The following EMP1 variants were observed in gnomAD, a reference collection of about 807,000 sequenced individuals.
EMP1 encodes the protein tumor-associated membrane protein.
Under a neutral mutation model 15.7 loss-of-function variants are expected in EMP1, and 5 were observed. The observed-to-expected ratio is 0.32, with a 90% CI of 0.17 to 0.67. The LOEUF (loss-of-function observed/expected upper bound fraction) is 0.67, where lower values mean the gene tolerates loss of function less well. EMP1 is among the 30% of genes least tolerant of loss of function. The pLI, the probability that EMP1 is intolerant of heterozygous loss-of-function variation, is 0.74. For synonymous variants in EMP1, 78 were observed against 76.7 expected, an observed-to-expected ratio of 1.02 and a Z score of -0.09; for missense variants, 166 against 194.2, an observed-to-expected ratio of 0.85 and a Z score of 0.86.
chr12:13,210,892 T>C (rs942563007), intron 1 of EMP1, among the ~76,000 whole-genome samples: 1 of 152,254 alleles, frequency 6.6e-6, no homozygotes, highest in Non-Finnish European at 1.5e-5. Context: ...ATTATAATAA[T>C]AGAATTGTGC....
intron 1 of EMP1, chr12:13,199,570 A>AG (rs1864045308): frequency 6.6e-6 from 1 of 152,258 alleles, no homozygotes; most frequent in Admixed American, 6.5e-5. Flanking sequence ...TTTCGTTCAC[A>AG]GAATTCTAAA....
chr12:13,208,444 G>C (rs1224256877), intron 1 of EMP1, among the ~76,000 whole-genome samples: 2 of 152,122 alleles, frequency 1.3e-5, no homozygotes, highest in Non-Finnish European at 2.9e-5. Context: ...GTAAAGACTG[G>C]GTAACTAGGG....
intron 4 of EMP1, 175 bp downstream of exon 4, chr12:13,213,996 C>G: frequency 2.1e-6 from 2 of 949,554 alleles, no homozygotes; most frequent in Non-Finnish European, 3.3e-6. Flanking sequence ...GGTTAAGAAC[C>G]CTCATCTGCT....
rs1228023280 is a variant in EMP1 at position 13,214,805 on chromosome 12, A to C, written c.*114A>C. 1.9e-5 allele frequency: 2 copies of C among 104,422 alleles called. No homozygotes were observed. The highest frequency in any genetic ancestry group is 8.0e-5 in the African/African-American group (2 of 25,032). The allele number at this position is 104,422 out of a possible 1,614,324, so 6.5% of individuals were successfully genotyped here. A position where few individuals can be genotyped will look rare whatever the true frequency, so the allele number is the denominator to read the frequency against. On this transcript the variant is annotated 3_prime_UTR_variant, in exon 5 of 5. Transcript: ENST00000256951. ...CCGAGATAGGGGAGGGGGGAGGGGG[A>C]AGCAAAGGGGGGAGGTCAAATCCCA... is the stretch of plus-strand genomic sequence containing the variant.
At position 13,211,120 on chromosome 12, in the gene EMP1, C is replaced by A. The variant is rs958847320; in HGVS notation, c.-42-349C>A. Among the ~76,000 whole-genome samples, 1 of 152,176 alleles carries A rather than the reference C, an allele frequency of 6.6e-6. No individual in the cohort carries two copies. The highest frequency in any genetic ancestry group is 2.4e-5 in the African/African-American group (1 of 41,452). The stretch of plus-strand genomic sequence containing the variant: ...TATAAAGGCCTACTTCTTTGAAAAT[C>A]AAAGTCCTATTTTTAACCTCTAAAA... On this transcript the variant is annotated intron_variant, in intron 1 of 4. Transcript: ENST00000256951. This position sits in a 1 kb window ranked among gnomAD's most constrained non-coding sequence, Gnocchi z 4.7.
chr12:13,209,656 A>G (rs1292100962), intron 1 of EMP1: 4 of 152,160 alleles, frequency 2.6e-5, no homozygotes, highest in East Asian at 1.9e-4. Context: ...TCCCTTTGCA[A>G]TTGACATTGC....
intron 1 of EMP1, among the ~76,000 whole-genome samples, chr12:13,207,472 T>C (rs946261585): frequency 1.3e-5 from 2 of 152,158 alleles, no homozygotes; most frequent in Non-Finnish European, 2.9e-5. Flanking sequence ...TAGTGTGGTC[T>C]GGGCAATGCA....
chr12:13,208,356 G>C (rs1463355253), intron 1 of EMP1, among the ~76,000 whole-genome samples: 3 of 152,122 alleles, frequency 2.0e-5, no homozygotes, highest in Non-Finnish European at 4.4e-5. Context: ...ACCACTAATG[G>C]CTTTTTCATA....
intron 1 of EMP1, among the ~76,000 whole-genome samples, chr12:13,204,960 GGAA>G (rs1864098715): frequency 6.6e-6 from 1 of 152,172 alleles, no homozygotes; most frequent in Admixed American, 6.5e-5. Context: ...GCTAGAAAGA[GGAA>G]GAATTAGTCT....
In EMP1 at chr12:13,211,688, G is replaced by T; in HGVS notation, c.78+100G>T. On this transcript the variant is annotated intron_variant, in intron 2 of 4. Coordinates refer to ENST00000256951, the MANE Select transcript of EMP1 (RefSeq NM_001423.3). This position sits in a 1 kb window ranked among gnomAD's most constrained non-coding sequence, Gnocchi z 4.7. ...TTAAGCCACAGCCCTTGCCCTTCAT[G>T]AACTTACAGCTCAGTTGTGGGAAAA... is the stretch of plus-strand genomic sequence containing the variant. The T allele has an allele frequency of 7.6e-7, 1 of 1,310,570 alleles. No homozygotes were observed. The highest frequency in any genetic ancestry group is 1.2e-5 in the South Asian group (1 of 81,878). The allele number at this position is 1,310,570 out of a possible 1,614,324, so 81.2% of individuals were successfully genotyped here.
chr12:13,213,081 G>C (rs951133459), intron 2 of EMP1, among the ~76,000 whole-genome samples: 5 of 152,124 alleles, frequency 3.3e-5, no homozygotes, highest in Admixed American at 6.5e-5. Context: ...TGGTTAACCA[G>C]GGACTTAAAT....
chr12:13,205,736 A>C (rs1864105681), intron 1 of EMP1, among the ~76,000 whole-genome samples: 1 of 152,266 alleles, frequency 6.6e-6, no homozygotes, highest in Non-Finnish European at 1.5e-5. Flanking sequence ...CAATAGAAGA[A>C]GAGAGAAAAG....
At position 13,208,713 on chromosome 12, in the gene EMP1, G is replaced by C. The variant is rs1459620246; in HGVS notation, c.-42-2756G>C. On this transcript the variant is annotated intron_variant, in intron 1 of 4. Transcript: ENST00000256951. Reference sequence around the variant, plus strand: ...ACCGCTTGCTAACTCAAGACATTTTGCTTCTTTCCGTGGTGAAAAGACAGG... The same window carrying C: ...ACCGCTTGCTAACTCAAGACATTTTCCTTCTTTCCGTGGTGAAAAGACAGG... 2.6e-5 allele frequency among the ~76,000 whole-genome samples: 4 copies of C among 152,218 alleles called. No individual in the cohort carries two copies. In the East Asian group the frequency reaches 7.7e-4, roughly 29 times the overall value.
At chr12:13,213,847 G>A in intron 4 of EMP1, 26 bp downstream of exon 4, 1 of 1,612,238 alleles carries the variant, frequency 6.2e-7, no homozygotes, top group Non-Finnish European at 8.5e-7. Context: ...GTAGACTCCA[G>A]TTTACACTTT....
chr12:13,198,091 C>T (rs1054138764), intron 1 of EMP1, among the ~76,000 whole-genome samples: 3 of 152,090 alleles, frequency 2.0e-5, no homozygotes, highest in Non-Finnish European at 4.4e-5. Context: ...ATACCAGAAA[C>T]GATAAAAGAA....
At chr12:13,208,517 G>T (rs1011255857) in intron 1 of EMP1, among the ~76,000 whole-genome samples, 5 of 152,144 alleles carry the variant, frequency 3.3e-5, no homozygotes, top group African/African-American at 1.2e-4. Flanking sequence ...TGGGGGGAAG[G>T]CCATTGAAAA....
intron 1 of EMP1, among the ~76,000 whole-genome samples, chr12:13,203,802 G>A (rs1275955702): frequency 6.6e-6 from 1 of 152,254 alleles, no homozygotes; most frequent in Non-Finnish European, 1.5e-5. Context: ...CCACTGACCA[G>A]AGAGGTTATG....
At chr12:13,206,647 G>T (rs1449181583) in intron 1 of EMP1, among the ~76,000 whole-genome samples, 3 of 152,226 alleles carry the variant, frequency 2.0e-5, no homozygotes, top group Non-Finnish European at 4.4e-5. Context: ...TGGCAGTTCA[G>T]TGAACACACA....
At chr12:13,206,201 G>A (rs1864109335) in intron 1 of EMP1, among the ~76,000 whole-genome samples, 1 of 152,062 alleles carries the variant, frequency 6.6e-6, no homozygotes, top group Non-Finnish European at 1.5e-5. Context: ...ATGAGGGGAA[G>A]GGAAGATAGG....
Sources: gnomAD v4.1 joint callset for allele counts (sites outside exome capture counted in the v4.1 genomes callset) on GRCh38, gnomAD v4.1.1 for gene constraint, Gnocchi (gnomAD v3.1) non-coding constraint, MANE v1.5 for transcripts, NCBI Gene and HGNC (gene_info 2026-07-23, HGNC 2026-07-21) for gene names.